The following CTNNAL1 variants were observed in gnomAD, a reference collection of about 807,000 sequenced individuals.
The protein encoded by CTNNAL1 is catenin alpha like 1, also known as alpha-catulin.
Under a neutral mutation model 93.6 loss-of-function variants are expected in CTNNAL1, and 69 were observed. That is an observed-to-expected ratio of 0.74 (90% CI 0.61 to 0.90). CTNNAL1 has a LOEUF of 0.90. Among genes scored for constraint, CTNNAL1 ranks in the 40% least tolerant of loss-of-function variants. CTNNAL1 has a pLI of 0.00. For synonymous variants in CTNNAL1, 286 were observed against 305.4 expected (o/e 0.94, Z 0.66); for missense variants, 836 against 862.0 (o/e 0.97, Z 0.38).
At chr9:108,991,507 A>G (rs545464737) in intron 3 of CTNNAL1, among the ~76,000 whole-genome samples, 2 of 152,270 alleles carry the variant, frequency 1.3e-5, no homozygotes, top group East Asian at 3.9e-4. Flanking sequence ...TTAAAATAAC[A>G]TTATTAGATT....
At chr9:108,986,836 G>T (rs1055892003) in intron 4 of CTNNAL1, among the ~76,000 whole-genome samples, 20 of 152,196 alleles carry the variant, frequency 1.3e-4, no homozygotes, top group Admixed American at 1.2e-3. Context: ...CTTTTGAGAA[G>T]TGTCTGTTCA....
chr9:108,949,529 G>A (rs1022056954), intron 14 of CTNNAL1, among the ~76,000 whole-genome samples: 13 of 152,158 alleles, frequency 8.5e-5, no homozygotes, highest in Admixed American at 3.9e-4. Context: ...CTAACACAGC[G>A]AAACGCTATC....
At chr9:108,984,766 C>T (rs948078688) in intron 4 of CTNNAL1, among the ~76,000 whole-genome samples, 1 of 152,206 alleles carries the variant, frequency 6.6e-6, no homozygotes, top group Admixed American at 6.5e-5. Flanking sequence ...TAACCAGAAA[C>T]ACCCAGCCTA....
intron 15 of CTNNAL1, among the ~76,000 whole-genome samples, chr9:108,947,262 C>T (rs1303831877): frequency 2.0e-5 from 3 of 152,040 alleles, no homozygotes; most frequent in South Asian, 2.1e-4. Flanking sequence ...TACAGGTGCC[C>T]GCCACCACAC....
intron 1 of CTNNAL1, among the ~76,000 whole-genome samples, chr9:109,012,992 C>G (rs1037031746): frequency 2.0e-5 from 3 of 152,166 alleles, no homozygotes; most frequent in Non-Finnish European, 4.4e-5. Flanking sequence ...ATCGCCCGGC[C>G]GGGGGCACCC....
chr9:109,006,088 T>C (rs1204905895), intron 1 of CTNNAL1, among the ~76,000 whole-genome samples: 1 of 152,224 alleles, frequency 6.6e-6, no homozygotes, highest in Admixed American at 6.5e-5. Context: ...ATGGAAAATA[T>C]AGGAGAGCCT....
chr9:108,986,012 T>G (rs373625009), intron 4 of CTNNAL1, among the ~76,000 whole-genome samples: 1 of 151,752 alleles, frequency 6.6e-6, no homozygotes, highest in Admixed American at 6.6e-5. Context: ...CTGTCACTAC[T>G]GCCACTTTCT....
intron 3 of CTNNAL1, 41 bp downstream of exon 3, chr9:108,992,591 A>T: frequency 6.4e-7 from 1 of 1,559,466 alleles, no homozygotes. Flanking sequence ...TTTGAACAAC[A>T]CAGAAAGACA....
At chr9:108,947,041 TC>T (rs755617449) in intron 15 of CTNNAL1, among the ~76,000 whole-genome samples, 5 of 152,058 alleles carry the variant, frequency 3.3e-5, no homozygotes, top group African/African-American at 7.2e-5. Context: ...ACAATCATCC[TC>T]TTAAGCTGAA....
intron 1 of CTNNAL1, among the ~76,000 whole-genome samples, chr9:109,003,877 A>G (rs145909255): frequency 6.6e-6 from 1 of 152,386 alleles, no homozygotes; most frequent in East Asian, 1.9e-4. Flanking sequence ...ATTTGTGTGC[A>G]GAGGTTAGAC....
Position 108,970,440 on chromosome 9 carries a change from T to G in CTNNAL1, c.1402A>C (p.Ile468Leu), listed in dbSNP as rs1181346470. ...ACCTGAAATGTCTCCTCTGCATGTA[T>G]ACAGGTTATTTCCAGAGGTTCTGTC... ...SGTEPLEITCIHAEETFQVTG... is the reference protein window; with the variant it reads ...SGTEPLEITCLHAEETFQVTG... The change falls in exon 10 of 19, where the codon ATA becomes CTA. Residue 468 changes from isoleucine to leucine, a missense_variant. By Grantham distance (5) the Ile-to-Leu change is conservative. Coordinates refer to ENST00000325551, the MANE Select transcript of CTNNAL1 (RefSeq NM_003798.4). The G allele has an allele frequency of 3.1e-6, 5 of 1,612,886 alleles. No homozygotes were observed. Among genetic ancestry groups the G allele is most frequent in the Non-Finnish European group, 4.2e-6 (5 of 1,179,572 alleles).
intron 10 of CTNNAL1, 42 bp downstream of exon 10, chr9:108,970,360 G>A: frequency 6.4e-7 from 1 of 1,561,034 alleles, no homozygotes; most frequent in Non-Finnish European, 8.7e-7. Context: ...ATAACACTCA[G>A]ATAGGACACA....
intron 11 of CTNNAL1, 81 bp downstream of exon 11, chr9:108,965,297 G>T: frequency 8.8e-7 from 1 of 1,134,008 alleles, no homozygotes; most frequent in Non-Finnish European, 1.2e-6. Context: ...GAATTCATTT[G>T]CAGTTGAGGT....
chr9:108,984,848 T>TAAAA (rs1198182621), intron 4 of CTNNAL1, among the ~76,000 whole-genome samples: 1 of 152,214 alleles, frequency 6.6e-6, no homozygotes, highest in African/African-American at 2.4e-5. Context: ...AACAGACACT[T>TAAAA]AAAAGTCGAT....
intron 10 of CTNNAL1, among the ~76,000 whole-genome samples, chr9:108,966,587 G>A (rs1366298086): frequency 6.6e-6 from 1 of 152,168 alleles, no homozygotes; most frequent in Non-Finnish European, 1.5e-5. Flanking sequence ...GGCACAAAAT[G>A]AAAGGGGACC....
intron 1 of CTNNAL1, among the ~76,000 whole-genome samples, chr9:109,003,124 A>G (rs1826902128): frequency 6.6e-6 from 1 of 152,246 alleles, no homozygotes; most frequent in Non-Finnish European, 1.5e-5. Context: ...TAAAATCTTA[A>G]GATCTCAGAA....
intron 1 of CTNNAL1, among the ~76,000 whole-genome samples, chr9:109,011,198 G>A (rs902086742): frequency 1.3e-5 from 2 of 152,006 alleles, no homozygotes; most frequent in African/African-American, 2.4e-5. Context: ...TTTGTTAACC[G>A]AGTATTCTGG....
intron 1 of CTNNAL1, among the ~76,000 whole-genome samples, chr9:109,002,128 T>C (rs374783344): frequency 6.6e-6 from 1 of 152,166 alleles, no homozygotes; most frequent in South Asian, 2.1e-4. Flanking sequence ...GAGTAATTTA[T>C]AAATAACAGA....
At chr9:108,972,864 G>GGGGGGGGGGGGCCCCC in intron 8 of CTNNAL1, 31 bp from the exon 9 acceptor site, 2 of 142,554 alleles carry the variant, frequency 1.4e-5, no homozygotes, top group Non-Finnish European at 2.0e-5. Flanking sequence ...GGGGGGGTGG[G>GGGGGGGGGGGGCCCCC]AGGGTGGAGA....
Sources: allele counts gnomAD v4.1 joint callset (sites outside exome capture counted in the v4.1 genomes callset), GRCh38; gene constraint gnomAD v4.1.1; transcripts MANE v1.5; gene names NCBI Gene and HGNC (gene_info 2026-07-23, HGNC 2026-07-21).